Variants in NXN observed in about 807,000 individuals in gnomAD.
NXN encodes the protein nucleoredoxin, also known as nucleoredoxin 1.
In NXN, 16 loss-of-function variants were observed where a neutral mutation model predicts 48.6. The observed-to-expected ratio is 0.33, with a 90% confidence interval of 0.22 to 0.50. The LOEUF (loss-of-function observed/expected upper bound fraction) is 0.50, where lower values mean the gene tolerates loss of function less well. Ranked by LOEUF, NXN falls within the 20% of genes least tolerant of loss-of-function variation. The pLI is 0.98. For missense variants in NXN, 492 were observed against 605.5 expected, an observed-to-expected ratio of 0.81 and a Z score of 1.97; for synonymous variants, 281 against 269.6, an observed-to-expected ratio of 1.04 and a Z score of -0.41.
chr17:854,287 G>A (rs1048951868), intron 1 of NXN, among the ~76,000 whole-genome samples: 36 of 152,252 alleles, frequency 2.4e-4, no homozygotes, highest in African/African-American at 6.5e-4. Context: ...AGATCCTGCC[G>A]CTAGAATATT....
At position 958,125 on chromosome 17, in the gene NXN, T is replaced by G. The variant is rs1429557421; in HGVS notation, c.360+21194A>C. ...CTTCCTTCCCACACGGCTATTTATA[T>G]CTGGAATATCTCTCTGTCTTAATCC... is the stretch of plus-strand genomic sequence containing the variant. On this transcript the variant is annotated intron_variant, in intron 1 of 7. Transcript: ENST00000336868. This position sits in a 1 kb window ranked among gnomAD's most constrained non-coding sequence, Gnocchi z 6.9. 6.6e-6 allele frequency among the ~76,000 whole-genome samples: 1 copy of G among 152,148 alleles called. No individual in the cohort carries two copies. The highest frequency in any genetic ancestry group is 1.5e-5 in the Non-Finnish European group (1 of 68,034).
At chr17:875,571 G>C (rs772450128) in intron 1 of NXN, among the ~76,000 whole-genome samples, 4 of 151,874 alleles carry the variant, frequency 2.6e-5, no homozygotes, top group Non-Finnish European at 5.9e-5. Flanking sequence ...AAATGAAATA[G>C]GGTTTTTTTG....
chr17:801,095 G>A lies in NXN; in HGVS notation c.1162C>T (p.Leu388=). ...GTGAGCAAAGGGGCAGCCTCAGGCA[G>A]GTTGGTGTAATCTCGCAGGGAGTCA... is the stretch of plus-strand genomic sequence containing the variant. ...MTDSLRDYTN[L]PEAAPLLTIL... is the part of the protein sequence containing the mutation. The change falls in exon 8 of 8, where the codon CTG becomes TTG. Residue 388 remains leucine, a synonymous_variant. Transcript: ENST00000336868. 1.3e-6 allele frequency: 2 copies of A among 1,568,478 alleles called. No homozygotes were observed. Among genetic ancestry groups the A allele is most frequent in the South Asian group, 1.2e-5 (1 of 84,516 alleles).
chr17:806,665 C>G (rs8072132), intron 5 of NXN, among the ~76,000 whole-genome samples: 1 of 152,088 alleles, frequency 6.6e-6, no homozygotes, highest in Non-Finnish European at 1.5e-5. Context: ...TTTATAGATT[C>G]CCAAGGATTC....
At chr17:810,365 G>T (rs982763713) in intron 5 of NXN, among the ~76,000 whole-genome samples, 6 of 152,256 alleles carry the variant, frequency 3.9e-5, no homozygotes, top group African/African-American at 1.4e-4. Context: ...GTCCGTGTGA[G>T]TTGCTGCTGA....
chr17:954,805 G>A (rs535432215), intron 1 of NXN, among the ~76,000 whole-genome samples: 1 of 152,370 alleles, frequency 6.6e-6, no homozygotes, highest in Non-Finnish European at 1.5e-5. Flanking sequence ...CCAGTTAGGG[G>A]CCGCATCGGC....
Position 891,100 on chromosome 17 carries a change from C to T in NXN, c.361-65022G>A, listed in dbSNP as rs563276845. 8.0e-4 allele frequency among the ~76,000 whole-genome samples: 120 copies of T among 149,372 alleles called. 1 individual carries two copies. The highest frequency in any genetic ancestry group is 2.8e-3 in the African/African-American group (113 of 39,936). ...CTGTCCGTCCATCCGTCCGTCCATCCGTCCATCTCACTCTGTTGCCCAGGC... is the reference window on the plus strand; with the variant it reads ...CTGTCCGTCCATCCGTCCGTCCATCTGTCCATCTCACTCTGTTGCCCAGGC... On this transcript the variant is annotated intron_variant, in intron 1 of 7. Transcript: ENST00000336868.
rs1433198873 is a variant in NXN at position 919,572 on chromosome 17, C to G, written c.360+59747G>C. ...CAAACGGCTTTCTACAGCACCTCCT[C>G]GTATCGTGGGTTACAGAACCTACGT... On this transcript the variant is annotated intron_variant, in intron 1 of 7. Coordinates refer to ENST00000336868, the MANE Select transcript of NXN (RefSeq NM_022463.5). This position sits in a 1 kb window ranked among gnomAD's most constrained non-coding sequence, Gnocchi z 5.1. 6.6e-6 allele frequency among the ~76,000 whole-genome samples: 1 copy of G among 152,046 alleles called. No homozygotes were observed. The highest frequency in any genetic ancestry group is 2.4e-5 in the African/African-American group (1 of 41,372).
intron 1 of NXN, among the ~76,000 whole-genome samples, chr17:835,050 C>T (rs113056503): frequency 0.031 from 4,705 of 151,278 alleles, 92 homozygotes; most frequent in Non-Finnish European, 0.048. Context: ...GGCTCACGCC[C>T]GTAATCCCAG....
intron 1 of NXN, among the ~76,000 whole-genome samples, chr17:870,364 A>G (rs1026581018): frequency 2.6e-5 from 4 of 152,194 alleles, no homozygotes; most frequent in African/African-American, 9.7e-5. Context: ...TGGGTGATTC[A>G]TGAGCCTGAA....
At chr17:854,288 C>T (rs2067960301) in intron 1 of NXN, among the ~76,000 whole-genome samples, 1 of 152,136 alleles carries the variant, frequency 6.6e-6, no homozygotes, top group Admixed American at 6.6e-5. Flanking sequence ...GATCCTGCCG[C>T]TAGAATATTT....
intron 1 of NXN, among the ~76,000 whole-genome samples, chr17:876,597 C>T (rs2068218505): frequency 6.6e-6 from 1 of 152,222 alleles, no homozygotes; most frequent in Non-Finnish European, 1.5e-5. Context: ...GCCCAGGAAT[C>T]AGTCTCACTG....
chr17:804,966 T>C (rs893027366), intron 6 of NXN, 102 bp downstream of exon 6: 8 of 1,274,636 alleles, frequency 6.3e-6, no homozygotes, highest in Non-Finnish European at 7.7e-6. Context: ...CTTGCACTGC[T>C]GGTGACAGAG....
rs919772208 is a variant in NXN at position 958,470 on chromosome 17, G to GAC, written c.360+20847_360+20848dup. On this transcript the variant is annotated intron_variant, in intron 1 of 7. Transcript: ENST00000336868. This position sits in a 1 kb window ranked among gnomAD's most constrained non-coding sequence, Gnocchi z 6.9. ...AAAACCAGCCCGGGCAACATAGCAG[G>GAC]ACTCCAACTCTACAAAAATTAATCT... 6.6e-6 allele frequency among the ~76,000 whole-genome samples: 1 copy of GAC among 151,710 alleles called. No individual in the cohort carries two copies. The highest frequency in any genetic ancestry group is 1.5e-5 in the Non-Finnish European group (1 of 67,916).
At chr17:961,805 A>G (rs899176849) in intron 1 of NXN, among the ~76,000 whole-genome samples, 1 of 152,226 alleles carries the variant, frequency 6.6e-6, no homozygotes, top group Non-Finnish European at 1.5e-5. Flanking sequence ...AACCAAATGA[A>G]TTATAAATTT....
intron 1 of NXN, among the ~76,000 whole-genome samples, chr17:915,206 T>C (rs764536076): frequency 2.0e-5 from 3 of 152,216 alleles, no homozygotes; most frequent in Non-Finnish European, 4.4e-5. Context: ...AGTGCTGGGA[T>C]TACAGGCGTG....
intron 1 of NXN, among the ~76,000 whole-genome samples, chr17:938,945 G>C (rs1024304946): frequency 1.1e-4 from 17 of 151,838 alleles, no homozygotes; most frequent in Admixed American, 6.6e-5. Context: ...CCAGCTACAC[G>C]GGACGCTGAG....
chr17:885,879 G>A (rs1050619838), intron 1 of NXN, among the ~76,000 whole-genome samples: 12 of 151,138 alleles, frequency 7.9e-5, no homozygotes, highest in Admixed American at 2.0e-4. Flanking sequence ...TAGTAGAGAC[G>A]GGGTTTCACC....
intron 1 of NXN, among the ~76,000 whole-genome samples, chr17:930,677 A>AAGG (rs1391023568): frequency 6.6e-6 from 1 of 152,294 alleles, no homozygotes; most frequent in African/African-American, 2.4e-5. Context: ...ATTGAAGGAT[A>AAGG]AGGAGTAAAG....
Sources: allele counts gnomAD v4.1 joint callset (sites outside exome capture counted in the v4.1 genomes callset), GRCh38; gene constraint gnomAD v4.1.1; non-coding constraint Gnocchi (gnomAD v3.1); transcripts MANE v1.5; gene names NCBI Gene and HGNC (gene_info 2026-07-23, HGNC 2026-07-21).